Variants in OVCH1 observed in about 807,000 individuals in gnomAD.
OVCH1 encodes the protein ovochymase-1.
A neutral mutation model predicts 138.4 loss-of-function variants in OVCH1; 139 were observed. The observed-to-expected ratio is 1.00, with a 90% confidence interval of 0.87 to 1.16. The LOEUF is 1.16. Among genes scored for constraint, OVCH1 ranks in the 50% most tolerant of loss-of-function variants. The pLI is 0.00. For synonymous variants in OVCH1, 453 were observed against 467.8 expected (o/e 0.97, Z 0.41); for missense variants, 1,367 against 1,357.9 (o/e 1.01, Z -0.11).
At chr12:29,427,978 G>A (rs1941206421) in intron 27 of OVCH1, among the ~76,000 whole-genome samples, 2 of 152,174 alleles carry the variant, frequency 1.3e-5, no homozygotes, top group Non-Finnish European at 2.9e-5. Context: ...CCAGTTTGGA[G>A]AATATTAAAG....
downstream of OVCH1, chr12:29,423,436 A>G: frequency 2.7e-6 from 1 of 376,188 alleles, no homozygotes; most frequent in South Asian, 2.0e-5. Context: ...CAAGATCAAG[A>G]TTTGTAGGAT....
At chr12:29,477,402 A>G (rs759485992) in exon 11 of OVCH1, 1 of 1,614,012 alleles carries the variant, frequency 6.2e-7, no homozygotes, top group Non-Finnish European at 8.5e-7. Context: ...TGTCTTCTGT[A>G]TCAGAAACAA....
chr12:29,439,451 A>AAAAC (rs4033114), intron 25 of OVCH1: 485 of 1,482,844 alleles, frequency 3.3e-4, no homozygotes, highest in Admixed American at 9.4e-4. Flanking sequence ...TGGTCTGAGA[A>AAAAC]AAACAAACAA....
intron 25 of OVCH1, among the ~76,000 whole-genome samples, chr12:29,440,990 G>C (rs1371889822): frequency 6.6e-6 from 1 of 152,116 alleles, no homozygotes; most frequent in Non-Finnish European, 1.5e-5. Context: ...TAAGTAAACT[G>C]GGAATTCATA....
chr12:29,475,794 T>C (rs1183431134), intron 13 of OVCH1, among the ~76,000 whole-genome samples: 2 of 152,168 alleles, frequency 1.3e-5, no homozygotes, highest in Non-Finnish European at 2.9e-5. Context: ...AAAAGTATAT[T>C]TGAAGTTTTA....
chr12:29,431,011 G>A (rs1028549679), intron 27 of OVCH1: 1 of 420,104 alleles, frequency 2.4e-6, no homozygotes, highest in Non-Finnish European at 4.7e-6. Context: ...TCCTCTCATG[G>A]AATATAGAAT....
At chr12:29,443,928 C>T (rs1941550189) in intron 24 of OVCH1, among the ~76,000 whole-genome samples, 1 of 152,006 alleles carries the variant, frequency 6.6e-6, no homozygotes, top group Non-Finnish European at 1.5e-5. Flanking sequence ...AATACATGGT[C>T]TATTTTGTTG....
chr12:29,459,794 T>G (rs1183765256), intron 19 of OVCH1, among the ~76,000 whole-genome samples: 2 of 152,082 alleles, frequency 1.3e-5, no homozygotes, highest in African/African-American at 2.4e-5. Flanking sequence ...AAAAAAGAAC[T>G]TAGAATAAAA....
intron 8 of OVCH1, among the ~76,000 whole-genome samples, chr12:29,480,400 T>C (rs1232546782): frequency 6.6e-6 from 1 of 152,216 alleles, no homozygotes; most frequent in Admixed American, 6.5e-5. Flanking sequence ...CAAAGGCCAG[T>C]ACTTTCTCAA....
chr12:29,459,936 T>C (rs1942076472), intron 19 of OVCH1, among the ~76,000 whole-genome samples: 1 of 152,190 alleles, frequency 6.6e-6, no homozygotes, highest in Non-Finnish European at 1.5e-5. Context: ...CTATTACCTC[T>C]AAGTATACAC....
rs149680611 is a variant in OVCH1 at position 29,490,507 on chromosome 12, T to C, written c.550+590A>G. On this transcript the variant is annotated intron_variant, in intron 5 of 27. Coordinates refer to ENST00000318184, the Ensembl canonical transcript of OVCH1. ...TTTAATATATGTATACATTGCAAAA[T>C]GATTACCATAATCATGGTAATTAAC... Among the ~76,000 whole-genome samples the C allele has an allele frequency of 5.9e-5, 9 of 152,344 alleles. No individual in the cohort carries two copies. In the East Asian group the frequency reaches 1.7e-3, roughly 29 times the overall value.
downstream of OVCH1, among the ~76,000 whole-genome samples, chr12:29,424,722 C>T (rs1941154535): frequency 6.6e-6 from 1 of 152,180 alleles, no homozygotes; most frequent in Non-Finnish European, 1.5e-5. Flanking sequence ...ATAATAACTC[C>T]ATAATAACCT....
At chr12:29,455,027 A>C in intron 20 of OVCH1, 94 bp from the exon 21 acceptor site, 1 of 1,247,594 alleles carries the variant, frequency 8.0e-7, no homozygotes, top group Non-Finnish European at 1.1e-6. Context: ...AGAAACAAAA[A>C]AGAAACAAAT....
intron 22 of OVCH1, among the ~76,000 whole-genome samples, chr12:29,448,235 G>A (rs1565577027): frequency 6.7e-6 from 1 of 150,316 alleles, no homozygotes; most frequent in South Asian, 2.1e-4. Context: ...AAGAGGCAGA[G>A]CTCAGGTGGT....
intron 27 of OVCH1, among the ~76,000 whole-genome samples, chr12:29,431,218 C>T (rs1274002350): frequency 2.0e-5 from 3 of 152,078 alleles, no homozygotes; most frequent in Non-Finnish European, 4.4e-5. Flanking sequence ...AGGAAGATTG[C>T]TTGAGCCCAG....
Position 29,465,142 on chromosome 12 carries a change from T to C in OVCH1, c.1929+5A>G. ...GCAGAATGACCTGTAAAAACATTTTTTCACCTGCTCTGTTGATTCCTTCAG... is the reference window on the plus strand; with the variant it reads ...GCAGAATGACCTGTAAAAACATTTTCTCACCTGCTCTGTTGATTCCTTCAG... On this transcript the variant is annotated splice_donor_5th_base_variant and intron_variant, in intron 17 of 27. Transcript: ENST00000318184. 1 of 1,594,566 alleles carries C rather than the reference T, an allele frequency of 6.3e-7. No individual in the cohort carries two copies. The highest frequency in any genetic ancestry group is 8.6e-7 in the Non-Finnish European group (1 of 1,169,364).
chr12:29,414,275 C>A (rs978258829), intron 3 of OVCH1, among the ~76,000 whole-genome samples: 1 of 152,156 alleles, frequency 6.6e-6, no homozygotes, highest in African/African-American at 2.4e-5. Flanking sequence ...ATCCACCCCC[C>A]TCAGCCTCCC....
At chr12:29,473,139 G>C in intron 14 of OVCH1, 36 bp from the exon 15 acceptor site, 1 of 1,478,444 alleles carries the variant, frequency 6.8e-7, no homozygotes, top group Non-Finnish European at 9.3e-7. Flanking sequence ...AAAGTAATTA[G>C]AGAAGTTGCA....
At chr12:29,494,338 T>C (rs1943353037) in intron 4 of OVCH1, among the ~76,000 whole-genome samples, 1 of 152,168 alleles carries the variant, frequency 6.6e-6, no homozygotes, top group Non-Finnish European at 1.5e-5. Context: ...ACACTTCCTT[T>C]TCTTGCATTT....
Sources: gnomAD v4.1 joint callset for allele counts (sites outside exome capture counted in the v4.1 genomes callset) on GRCh38, gnomAD v4.1.1 for gene constraint, MANE v1.5 for transcripts, NCBI Gene and HGNC (gene_info 2026-07-23, HGNC 2026-07-21) for gene names.